The following PAPSS1 variants were observed in gnomAD, a reference collection of about 807,000 sequenced individuals.
PAPSS1 encodes the protein 3'-phosphoadenosine 5'-phosphosulfate synthase 1.
PAPSS1 carries 50 observed loss-of-function variants against 72.0 expected under a neutral mutation model. The observed-to-expected ratio is 0.69, with a 90% CI of 0.55 to 0.88. The LOEUF is 0.88. Ranked by LOEUF, PAPSS1 falls within the 40% of genes least tolerant of loss-of-function variation. PAPSS1 has a pLI of 0.00. For missense variants in PAPSS1, 657 were observed against 782.2 expected (o/e 0.84, Z 1.91); for synonymous variants, 261 against 263.6 (o/e 0.99, Z 0.09).
chr4:107,634,375 A>G (rs1726305198), intron 10 of PAPSS1, among the ~76,000 whole-genome samples: 1 of 152,166 alleles, frequency 6.6e-6, no homozygotes, highest in African/African-American at 2.4e-5. Flanking sequence ...AGAGCAATTA[A>G]TTCAGGGGCT....
At chr4:107,683,529 T>C (rs188744620) in intron 4 of PAPSS1, among the ~76,000 whole-genome samples, 2 of 152,330 alleles carry the variant, frequency 1.3e-5, no homozygotes, top group Admixed American at 6.5e-5. Context: ...AATGCTTACA[T>C]GCAGCAAAGC....
At chr4:107,614,621 T>A (rs1725773624) in intron 11 of PAPSS1, among the ~76,000 whole-genome samples, 1 of 152,162 alleles carries the variant, frequency 6.6e-6, no homozygotes, top group Non-Finnish European at 1.5e-5. Context: ...ATTGAGACCA[T>A]TGTAGAGTCA....
intron 11 of PAPSS1, among the ~76,000 whole-genome samples, chr4:107,624,566 T>C (rs1726046097): frequency 6.6e-6 from 1 of 152,200 alleles, no homozygotes; most frequent in Non-Finnish European, 1.5e-5. Context: ...ATAGAATATA[T>C]TGACCTCAAT....
chr4:107,674,670 G>A (rs910344128), intron 5 of PAPSS1, among the ~76,000 whole-genome samples: 3 of 152,008 alleles, frequency 2.0e-5, no homozygotes, highest in Non-Finnish European at 4.4e-5. Flanking sequence ...ACTCAGCTCT[G>A]CACCAAGCAG....
chr4:107,651,678 G>A lies in PAPSS1; in HGVS notation c.1237+1813C>T, dbSNP rs567398778. Among the ~76,000 whole-genome samples, 5 of 152,170 alleles carry A rather than the reference G, an allele frequency of 3.3e-5. No homozygotes were observed. The South Asian group carries it at 1.0e-3, about 32-fold the overall frequency. On this transcript the variant is annotated intron_variant, in intron 9 of 11. Coordinates refer to ENST00000265174, the MANE Select transcript of PAPSS1 (RefSeq NM_005443.5). ...GAACTTACTGTCACGAGAATAGCATGGGGGAAGCCACCCCCATGATTCAAT... is the reference window on the plus strand; with the variant it reads ...GAACTTACTGTCACGAGAATAGCATAGGGGAAGCCACCCCCATGATTCAAT...
In PAPSS1 at chr4:107,701,189, A is replaced by G. The variant is rs1723195954; in HGVS notation, c.157T>C (p.Cys53Arg). Residue 53 changes from cysteine (C) to arginine (R), a missense_variant, in exon 2 of 12, where the codon TGC (cysteine) becomes CGC (arginine). Physicochemically the swap from Cys to Arg is radical, Grantham distance 180. This residue lies in a region of PAPSS1 where 119 missense variants were observed against 171.1 expected (regional missense o/e 0.70). Coordinates refer to ENST00000265174, the MANE Select transcript of PAPSS1 (RefSeq NM_005443.5). ...ACCATACCTGTTAGCCAAACTGTGC[A>G]ACCACGAAAGCCACCTCTGGTCCCC... The part of the protein sequence containing the change: ...VVGTRGGFRG[C>R]TVWLTGLSGA... 6.2e-7 allele frequency: 1 copy of G among 1,613,334 alleles called. No individual in the cohort carries two copies. Among genetic ancestry groups the G allele is most frequent in the Non-Finnish European group, 8.5e-7 (1 of 1,179,466 alleles).
intron 11 of PAPSS1, 98 bp from the exon 12 acceptor site, chr4:107,614,485 GAAAA>G: frequency 1.2e-6 from 1 of 808,882 alleles, no homozygotes; most frequent in Non-Finnish European, 1.9e-6. Context: ...CAAACTTAAT[GAAAA>G]AAAAATACTG....
chr4:107,642,006 T>C (rs997006440), intron 10 of PAPSS1, among the ~76,000 whole-genome samples: 2 of 152,112 alleles, frequency 1.3e-5, no homozygotes, highest in Non-Finnish European at 2.9e-5. Flanking sequence ...CTCTCAACAA[T>C]AGAAACATAG....
chr4:107,621,917 C>G (rs1238180708), intron 11 of PAPSS1, among the ~76,000 whole-genome samples: 1 of 151,948 alleles, frequency 6.6e-6, no homozygotes, highest in Non-Finnish European at 1.5e-5. Context: ...CGTGAGCCAC[C>G]GCGCCCAGCC....
intron 9 of PAPSS1, among the ~76,000 whole-genome samples, chr4:107,651,008 T>C (rs1183519240): frequency 2.0e-5 from 3 of 152,192 alleles, no homozygotes; most frequent in Admixed American, 6.5e-5. Flanking sequence ...TATTAACTTG[T>C]ATCAATCATT....
chr4:107,693,119 A>T (rs1722978840), intron 3 of PAPSS1, among the ~76,000 whole-genome samples: 1 of 152,160 alleles, frequency 6.6e-6, no homozygotes, highest in African/African-American at 2.4e-5. Flanking sequence ...AAACCTGCAC[A>T]TGTAGCCCTG....
intron 1 of PAPSS1, among the ~76,000 whole-genome samples, chr4:107,709,121 T>C (rs1723421980): frequency 6.6e-6 from 1 of 152,208 alleles, no homozygotes; most frequent in Non-Finnish European, 1.5e-5. Context: ...CACGAATTGT[T>C]CTTTGCTCAA....
chr4:107,689,331 T>C (rs1197622204), intron 3 of PAPSS1, among the ~76,000 whole-genome samples: 3 of 152,096 alleles, frequency 2.0e-5, no homozygotes, highest in Non-Finnish European at 4.4e-5. Flanking sequence ...GTTTCTACCT[T>C]AGGCCTCCCC....
intron 1 of PAPSS1, 80 bp from the exon 2 acceptor site, chr4:107,701,365 A>C (rs924035482): frequency 1.6e-5 from 14 of 875,582 alleles, no homozygotes; most frequent in East Asian, 2.5e-5. Flanking sequence ...AAACACACAA[A>C]AGTCTATGTA....
chr4:107,652,047 GC>G (rs933526727), intron 9 of PAPSS1, among the ~76,000 whole-genome samples: 22 of 152,138 alleles, frequency 1.4e-4, no homozygotes, highest in African/African-American at 5.1e-4. Flanking sequence ...CAAATGAAAT[GC>G]CTGCTCTTTC....
chr4:107,689,593 G>A (rs1254196913), intron 3 of PAPSS1, among the ~76,000 whole-genome samples: 1 of 152,142 alleles, frequency 6.6e-6, no homozygotes, highest in Non-Finnish European at 1.5e-5. Context: ...ATTAAGCTAT[G>A]ATCTTACTAT....
intron 2 of PAPSS1, among the ~76,000 whole-genome samples, chr4:107,698,692 G>A (rs567090916): frequency 2.0e-5 from 3 of 152,322 alleles, no homozygotes; most frequent in South Asian, 2.1e-4. Context: ...AAGGCTCAGT[G>A]TGGACAAGTC....
intron 5 of PAPSS1, among the ~76,000 whole-genome samples, chr4:107,676,878 C>CTGTGG (rs1727665756): frequency 6.6e-6 from 1 of 151,842 alleles, no homozygotes; most frequent in Non-Finnish European, 1.5e-5. Flanking sequence ...AGAAATAATG[C>CTGTGG]CACATATCTA....
At chr4:107,701,078 C>G (rs778779043) in intron 2 of PAPSS1, 93 bp downstream of exon 2, 2 of 636,506 alleles carry the variant, frequency 3.1e-6, no homozygotes, top group Non-Finnish European at 5.4e-6. Context: ...AATACAAGAA[C>G]AGAGCTCAAA....
Sources: gnomAD v4.1 joint callset for allele counts (sites outside exome capture counted in the v4.1 genomes callset) on GRCh38, gnomAD v4.1.1 for gene constraint, gnomAD v4.1.1 regional missense constraint, MANE v1.5 for transcripts, NCBI Gene and HGNC (gene_info 2026-07-23, HGNC 2026-07-21) for gene names.